The following RYR2 variants were observed in gnomAD, a reference collection of about 807,000 sequenced individuals.
The protein encoded by RYR2 is ryanodine receptor 2.
A neutral mutation model predicts 601.1 loss-of-function variants in RYR2; 227 were observed. The ratio of observed to expected loss-of-function variants is 0.38; its 90% CI spans 0.34 to 0.42. The LOEUF is 0.42. RYR2 is among the 10% of genes least tolerant of loss of function. The probability of loss-of-function intolerance (pLI) is 1.00; values close to 1 mark genes in which losing one functional copy is unlikely to be tolerated. For missense variants in RYR2, 4,646 were observed against 6,156.5 expected (o/e 0.75, Z 8.21); for synonymous variants, 2,223 against 2,175.1 (o/e 1.02, Z -0.61).
intron 2 of RYR2, among the ~76,000 whole-genome samples, chr1:237,318,634 C>A (rs1695327514): frequency 6.6e-6 from 1 of 152,076 alleles, no homozygotes; most frequent in South Asian, 2.1e-4. Context: ...CATCTCACTG[C>A]CTTCTGTCTT....
At chr1:237,705,674 G>A (rs992369462) in intron 67 of RYR2, among the ~76,000 whole-genome samples, 7 of 152,126 alleles carry the variant, frequency 4.6e-5, no homozygotes, top group African/African-American at 9.7e-5. Context: ...CAGCCTAGAC[G>A]TAATCCCAGG....
chr1:237,197,945 T>A (rs927801669), intron 1 of RYR2, among the ~76,000 whole-genome samples: 4 of 152,100 alleles, frequency 2.6e-5, no homozygotes, highest in Non-Finnish European at 4.4e-5. Flanking sequence ...AAGCAGCTGA[T>A]TTGGTCAATC....
intron 8 of RYR2, among the ~76,000 whole-genome samples, chr1:237,379,520 C>T (rs1466254562): frequency 6.6e-6 from 1 of 152,062 alleles, no homozygotes; most frequent in East Asian, 1.9e-4. Context: ...CAAGTGAAAG[C>T]AATAATAATG....
intron 12 of RYR2, among the ~76,000 whole-genome samples, chr1:237,430,120 A>G (rs1001990272): frequency 5.3e-5 from 8 of 150,252 alleles, no homozygotes; most frequent in Admixed American, 1.3e-4. Context: ...CATATATAAC[A>G]TTCATATATA....
At chr1:237,691,157 T>A (rs1169472515) in intron 63 of RYR2, among the ~76,000 whole-genome samples, 1 of 152,244 alleles carries the variant, frequency 6.6e-6, no homozygotes, top group African/African-American at 2.4e-5. Flanking sequence ...TGTCTTGTAT[T>A]TCCTGTACTA....
At chr1:237,743,639 T>C (rs1185674796) in intron 80 of RYR2, 2 of 518,254 alleles carry the variant, frequency 3.9e-6, no homozygotes, top group East Asian at 1.1e-4. Flanking sequence ...ACTATATATA[T>C]GTGTGTATTT....
chr1:237,056,662 A>G (rs1290241160), intron 1 of RYR2, among the ~76,000 whole-genome samples: 5,634 of 48,466 alleles, frequency 0.12, 84 homozygotes, highest in Middle Eastern at 0.2. Flanking sequence ...TATGAGGACT[A>G]GAGACTGCAT....
intron 25 of RYR2, among the ~76,000 whole-genome samples, chr1:237,542,668 G>T (rs745542989): frequency 2.0e-5 from 3 of 152,094 alleles, no homozygotes; most frequent in Non-Finnish European, 2.9e-5. Flanking sequence ...GCCTCATCCG[G>T]GCCTCTTTAG....
chr1:237,755,243 C>A (rs1692855243), intron 80 of RYR2: 1 of 423,504 alleles, frequency 2.4e-6, no homozygotes, highest in Non-Finnish European at 3.8e-6. Context: ...AACTAGCAAG[C>A]CTTCATTTTT....
At chr1:237,131,733 T>A (rs1478973238) in intron 1 of RYR2, among the ~76,000 whole-genome samples, 3 of 152,166 alleles carry the variant, frequency 2.0e-5, no homozygotes, top group Non-Finnish European at 2.9e-5. Flanking sequence ...TCTGCATTTT[T>A]TTTTTTAGGT....
intron 17 of RYR2, among the ~76,000 whole-genome samples, chr1:237,487,531 CATA>C (rs1330203445): frequency 4.2e-5 from 4 of 95,590 alleles, no homozygotes; most frequent in Admixed American, 1.5e-4. Flanking sequence ...GTCTGGGCAA[CATA>C]ATGAGACCAC....
At chr1:237,314,507 C>G (rs1047039135) in intron 2 of RYR2, among the ~76,000 whole-genome samples, 21 of 152,166 alleles carry the variant, frequency 1.4e-4, no homozygotes, top group Admixed American at 5.9e-4. Flanking sequence ...TACTAGCCTT[C>G]CAGGTGCTCA....
chr1:237,107,386 T>C (rs2148559308), intron 1 of RYR2, among the ~76,000 whole-genome samples: 1 of 150,890 alleles, frequency 6.6e-6, no homozygotes, highest in South Asian at 2.1e-4. Flanking sequence ...CTGGACGTGG[T>C]GGCGGGCGCC....
chr1:237,303,292 C>CTTTTTTTTTTTTTT (rs386370109), intron 2 of RYR2, among the ~76,000 whole-genome samples: 2 of 85,254 alleles, frequency 2.3e-5, no homozygotes, highest in Admixed American at 1.4e-4. Flanking sequence ...CTGCGGTTAT[C>CTTTTTTTTTTTTTT]TTTTTTTTTT....
chr1:237,669,792 C>G (rs1684731167), intron 58 of RYR2, among the ~76,000 whole-genome samples: 1 of 150,720 alleles, frequency 6.6e-6, no homozygotes, highest in Non-Finnish European at 1.5e-5. Flanking sequence ...AGAGACGCTC[C>G]TCACTTTCCA....
Position 237,608,273 on chromosome 1 carries a change from G to A in RYR2, c.4684-2489G>A, listed in dbSNP as rs545468004. Reference sequence around the variant, plus strand: ...AGAGACATTTTAGTAGACGCCAAGCGAGGATGGAGTTTTCTAAACAGGAGT... The same window carrying A: ...AGAGACATTTTAGTAGACGCCAAGCAAGGATGGAGTTTTCTAAACAGGAGT... On this transcript the variant is annotated intron_variant, in intron 35 of 104. Coordinates refer to ENST00000366574, the MANE Select transcript of RYR2 (RefSeq NM_001035.3). Among the ~76,000 whole-genome samples, 11 of 152,322 alleles carry A rather than the reference G, an allele frequency of 7.2e-5. No homozygotes were observed. The South Asian group carries it at 1.7e-3, about 23-fold the overall frequency.
chr1:237,329,743 C>T (rs1158833811), intron 2 of RYR2, among the ~76,000 whole-genome samples: 1 of 152,072 alleles, frequency 6.6e-6, no homozygotes, highest in Non-Finnish European at 1.5e-5. Flanking sequence ...GTCTGGGCTT[C>T]TAGTGCACCC....
rs1195833247 is a variant in RYR2 at position 237,454,550 on chromosome 1, T to A, written c.1452T>A (p.Asn484Lys). Residue 484 changes from asparagine to lysine, a missense_variant, in exon 15 of 105, where the codon AAT (asparagine) becomes AAA (lysine). By Grantham distance (94) the Asn-to-Lys change is moderately conservative. Transcript: ENST00000366574. ...AGAACAGACTACGAGCCCTGAAGAA[T>A]CGGCAAAATCTCTTCCAGGAAGAGG... ...DKQNRLRALK[N>K]RQNLFQEEGM... is the part of the protein sequence containing the mutation. 3 of 1,613,246 alleles carry A rather than the reference T, an allele frequency of 1.9e-6. No homozygotes were observed. The Admixed American group carries it at 5.0e-5, about 27-fold the overall frequency.
chr1:237,787,393 G>C (rs929625007), intron 91 of RYR2, among the ~76,000 whole-genome samples: 3 of 151,888 alleles, frequency 2.0e-5, no homozygotes, highest in Non-Finnish European at 2.9e-5. Context: ...TTCAAGACCA[G>C]CCTGGCCAAC....
Sources: allele counts gnomAD v4.1 joint callset (sites outside exome capture counted in the v4.1 genomes callset), GRCh38; gene constraint gnomAD v4.1.1; transcripts MANE v1.5; gene names NCBI Gene and HGNC (gene_info 2026-07-23, HGNC 2026-07-21).